The following CHM variants were observed in gnomAD, a reference collection of about 807,000 sequenced individuals.
CHM encodes the protein CHM Rab escort protein.
A neutral mutation model predicts 49.0 loss-of-function variants in CHM; 10 were observed. The ratio of observed to expected loss-of-function variants is 0.20; its 90% CI spans 0.13 to 0.35. CHM has a LOEUF of 0.35. Ranked by LOEUF, CHM falls within the 10% of genes least tolerant of loss-of-function variation. The pLI is 1.00. For synonymous variants in CHM, 184 were observed against 167.5 expected, an observed-to-expected ratio of 1.10 and a Z score of -0.76; for missense variants, 455 against 478.4, an observed-to-expected ratio of 0.95 and a Z score of 0.46.
At chrX:85,866,097 G>A (rs1395891035) in intron 14 of CHM, among the ~76,000 whole-genome samples, 1 of 112,764 alleles carries the variant, frequency 8.9e-6, no homozygotes, top group East Asian at 2.8e-4. Context: ...GAGCAATGAT[G>A]AGCCAAATGT....
intron 8 of CHM, among the ~76,000 whole-genome samples, chrX:85,945,415 A>C (rs1191354003): frequency 2.0e-5 from 2 of 98,084 alleles, no homozygotes; most frequent in Non-Finnish European, 4.2e-5. Context: ...GGTTGTATAA[A>C]AATGTGTGGC....
chrX:85,974,279 T>C (rs1025410006), intron 4 of CHM, among the ~76,000 whole-genome samples: 2 of 111,804 alleles, frequency 1.8e-5, no homozygotes, highest in South Asian at 7.3e-4. Flanking sequence ...AGACATACCA[T>C]GTTCATAGAT....
At chrX:86,043,580 AT>A (rs1239001827) in intron 1 of CHM, among the ~76,000 whole-genome samples, 1 of 108,857 alleles carries the variant, frequency 9.2e-6, no homozygotes, top group Non-Finnish European at 1.9e-5. Context: ...TAATTTTTGT[AT>A]TTTTTTTGTA....
intron 8 of CHM, among the ~76,000 whole-genome samples, chrX:85,936,680 T>C (rs1175027049): frequency 8.9e-6 from 1 of 112,335 alleles, no homozygotes; most frequent in Non-Finnish European, 1.9e-5. Context: ...CAGAAATAAA[T>C]AGCTTTGCTA....
At chrX:85,972,896 G>C (rs774848827) in intron 4 of CHM, among the ~76,000 whole-genome samples, 2 of 112,355 alleles carry the variant, frequency 1.8e-5, no homozygotes, top group African/African-American at 6.4e-5. Flanking sequence ...GGGCTCTGAG[G>C]ACTGCCAGCA....
chrX:85,966,840 G>A (rs1437450192), intron 4 of CHM, among the ~76,000 whole-genome samples: 1 of 112,034 alleles, frequency 8.9e-6, no homozygotes, highest in Non-Finnish European at 1.9e-5. Flanking sequence ...GATCTAGTCA[G>A]TGGTTCTCTA....
chrX:85,946,786 G>A (rs1929440608), intron 8 of CHM, among the ~76,000 whole-genome samples: 1 of 111,608 alleles, frequency 9.0e-6, no homozygotes, highest in Non-Finnish European at 1.9e-5. Context: ...AATACTCCAG[G>A]CCCCAGAATG....
chrX:86,012,465 C>T (rs1933117936), intron 2 of CHM, among the ~76,000 whole-genome samples: 1 of 111,237 alleles, frequency 9.0e-6, no homozygotes, highest in Non-Finnish European at 1.9e-5. Context: ...ACATCTGATT[C>T]CAGGCCTCTT....
chrX:85,955,118 G>A (rs1456057594), intron 8 of CHM, among the ~76,000 whole-genome samples: 1 of 111,049 alleles, frequency 9.0e-6, no homozygotes, highest in Non-Finnish European at 1.9e-5. Flanking sequence ...AGGGGGCAGC[G>A]GATAAGTAGG....
intron 13 of CHM, among the ~76,000 whole-genome samples, chrX:85,873,985 T>G (rs1342701895): frequency 9.0e-6 from 1 of 111,493 alleles, no homozygotes; most frequent in Admixed American, 9.6e-5. Flanking sequence ...GTGTCTTTTA[T>G]GCGTGTTAGG....
chrX:85,947,842 A>C (rs1415036726), intron 8 of CHM, among the ~76,000 whole-genome samples: 3 of 112,313 alleles, frequency 2.7e-5, no homozygotes, highest in Non-Finnish European at 5.6e-5. Flanking sequence ...ATTGGTAAAA[A>C]CGTGTTTGGT....
intron 8 of CHM, among the ~76,000 whole-genome samples, chrX:85,928,706 T>C (rs1347532599): frequency 8.9e-6 from 1 of 111,944 alleles, no homozygotes; most frequent in African/African-American, 3.2e-5. Flanking sequence ...ATTCTATATA[T>C]GAAAAATGAA....
chrX:86,030,663 T>C (rs890787031), intron 1 of CHM, among the ~76,000 whole-genome samples: 3 of 110,523 alleles, frequency 2.7e-5, no homozygotes, highest in Admixed American at 9.6e-5. Flanking sequence ...AGAAACACAA[T>C]GGAAAGAAAC....
At position 85,963,798 on chromosome X, in the gene CHM, G is replaced by A. The variant is rs1360735193; in HGVS notation, c.569C>T (p.Ser190Leu). Reference protein sequence around the residue: ...NHCDDKTCVPSTSAEDMSENV... With the variant: ...NHCDDKTCVPLTSAEDMSENV... ...TTCACTCATGTCTTCTGCTGAAGTT[G>A]ATGGCACACAAGTTTTATCATCACA... The change falls in exon 5 of 15, where the codon TCA (serine) becomes TTA (leucine). Residue 190 changes from serine (S) to leucine (L), a missense_variant. Physicochemically the swap from Ser to Leu is moderately radical, Grantham distance 145 (BLOSUM62 -2). Coordinates refer to ENST00000357749, the MANE Select transcript of CHM (RefSeq NM_000390.4). 1 of 1,210,135 alleles carries A rather than the reference G, an allele frequency of 8.3e-7. No individual in the cohort carries two copies. Among genetic ancestry groups the A allele is most frequent in the Non-Finnish European group, 1.1e-6 (1 of 895,331 alleles).
chrX:86,026,102 C>CTTTTTTTTTTTTTTTTTTT lies in CHM; in HGVS notation c.116+1370_116+1388dup, dbSNP rs1167691945. Among the ~76,000 whole-genome samples the CTTTTTTTTTTTTTTTTTTT allele has an allele frequency of 1.5e-4, 4 of 26,761 alleles. 1 individual carries two copies. Among genetic ancestry groups the CTTTTTTTTTTTTTTTTTTT allele is most frequent in the Non-Finnish European group, 3.0e-4 (4 of 13,232 alleles). 23.2% of individuals were successfully genotyped at this position (26,761 alleles called of 115,157 possible). A position where few individuals can be genotyped will look rare whatever the true frequency, so the allele number is the denominator to read the frequency against. On this transcript the variant is annotated intron_variant, in intron 2 of 14. Transcript: ENST00000357749. ...CTGGGCTTTCAAGGTAGCAGATTTT[C>CTTTTTTTTTTTTTTTTTTT]TTTTTTTTTTTTTTTTTTTTTTTTT...
intron 7 of CHM, 124 bp from the exon 8 acceptor site, chrX:85,956,502 T>C (rs1382344820): frequency 4.3e-6 from 4 of 923,451 alleles, no homozygotes; most frequent in Non-Finnish European, 5.8e-6. Flanking sequence ...TATTACATTT[T>C]GGACACTGAT....
intron 13 of CHM, among the ~76,000 whole-genome samples, chrX:85,875,610 C>T (rs1472482410): frequency 1.8e-5 from 2 of 111,681 alleles, no homozygotes; most frequent in East Asian, 5.6e-4. Flanking sequence ...TGTCATAGCC[C>T]TGACTGAGTC....
chrX:86,005,557 G>C (rs936511698), intron 2 of CHM, among the ~76,000 whole-genome samples: 20 of 111,380 alleles, frequency 1.8e-4, no homozygotes, highest in African/African-American at 6.2e-4. Context: ...TCAAATAGAC[G>C]CAATAAAAAC....
chrX:85,972,799 G>A (rs1237212912), intron 4 of CHM, among the ~76,000 whole-genome samples: 3 of 112,273 alleles, frequency 2.7e-5, no homozygotes, highest in Non-Finnish European at 3.8e-5. Flanking sequence ...CCAGAAAGGG[G>A]CTCCCACAGT....
Sources: allele counts gnomAD v4.1 joint callset (sites outside exome capture counted in the v4.1 genomes callset), GRCh38; gene constraint gnomAD v4.1.1; transcripts MANE v1.5; gene names NCBI Gene and HGNC (gene_info 2026-07-23, HGNC 2026-07-21).